The following CACNA1C variants were observed in gnomAD, a reference collection of about 807,000 sequenced individuals.
CACNA1C encodes the protein voltage-dependent L-type calcium channel subunit alpha-1C.
A neutral mutation model predicts 229.0 loss-of-function variants in CACNA1C; 30 were observed. That is an observed-to-expected ratio of 0.13 (90% CI 0.10 to 0.18). The LOEUF (loss-of-function observed/expected upper bound fraction) is 0.18, where lower values mean the gene tolerates loss of function less well. Ranked by LOEUF, CACNA1C falls within the 10% of genes least tolerant of loss-of-function variation. The pLI, the probability that CACNA1C is intolerant of heterozygous loss-of-function variation, is 1.00. For missense variants in CACNA1C, 1,658 were observed against 2,845.0 expected (o/e 0.58, Z 9.49); for synonymous variants, 1,114 against 1,132.5 (o/e 0.98, Z 0.33).
intron 3 of CACNA1C, among the ~76,000 whole-genome samples, chr12:2,193,168 G>T (rs756076029): frequency 1.3e-5 from 2 of 152,234 alleles, no homozygotes; most frequent in Non-Finnish European, 1.5e-5. Context: ...AACTTGTCAC[G>T]TCAAGGCCGG....
intron 3 of CACNA1C, among the ~76,000 whole-genome samples, chr12:2,333,828 A>G (rs1232261523): frequency 6.6e-6 from 1 of 152,256 alleles, no homozygotes; most frequent in Non-Finnish European, 1.5e-5. Flanking sequence ...TCTGTGGCAC[A>G]CAGCCCTCCT....
intron 3 of CACNA1C, among the ~76,000 whole-genome samples, chr12:2,135,647 A>G (rs35406483): frequency 0.16 from 22,259 of 136,020 alleles, 3,318 homozygotes; most frequent in Middle Eastern, 0.23. Context: ...ACCCACTTGA[A>G]GAGGCAGTCT....
chr12:2,366,904 A>G (rs1216769214), intron 3 of CACNA1C, among the ~76,000 whole-genome samples: 1 of 152,212 alleles, frequency 6.6e-6, no homozygotes, highest in Non-Finnish European at 1.5e-5. Flanking sequence ...GAGCGCATGC[A>G]CAAAGGGGAA....
chr12:2,509,631 A>C (rs1463802262), intron 8 of CACNA1C, among the ~76,000 whole-genome samples: 1 of 152,200 alleles, frequency 6.6e-6, no homozygotes, highest in African/African-American at 2.4e-5. Context: ...TGTGCAGCAC[A>C]TCATAGCCCT....
rs1480336201 is a variant in CACNA1C at position 2,467,978 on chromosome 12, T to A, written c.757+10272T>A. Among the ~76,000 whole-genome samples the A allele has an allele frequency of 1.3e-5, 2 of 152,074 alleles. No homozygotes were observed. Among genetic ancestry groups the A allele is most frequent in the Non-Finnish European group, 2.9e-5 (2 of 68,010 alleles). On this transcript the variant is annotated intron_variant, in intron 5 of 46. Transcript: ENST00000399655. This position sits in a 1 kb window ranked among gnomAD's most constrained non-coding sequence, Gnocchi z 4.6. Reference sequence around the variant, plus strand: ...ATTCTACCTGTGCAGCCCTGTGAGCTCCCAGCATCCGAGACCTCTTGGAGA... The same window carrying A: ...ATTCTACCTGTGCAGCCCTGTGAGCACCCAGCATCCGAGACCTCTTGGAGA...
At chr12:2,103,111 T>C (rs930319462) in intron 1 of CACNA1C, among the ~76,000 whole-genome samples, 1 of 152,214 alleles carries the variant, frequency 6.6e-6, no homozygotes, top group Non-Finnish European at 1.5e-5. Context: ...GTAATGGGAT[T>C]GCTGGGTCAA....
intron 1 of CACNA1C, among the ~76,000 whole-genome samples, chr12:2,043,180 G>A (rs1366873102): frequency 6.6e-6 from 1 of 152,208 alleles, no homozygotes; most frequent in Non-Finnish European, 1.5e-5. Flanking sequence ...TATGCTGATT[G>A]GAACAGAAGT....
chr12:2,585,292 A>C lies in CACNA1C; in HGVS notation c.2340-84A>C, dbSNP rs2061997276. The C allele has an allele frequency of 1.5e-5, 21 of 1,383,560 alleles. No homozygotes were observed. Among genetic ancestry groups the C allele is most frequent in the Non-Finnish European group, 2.0e-5 (21 of 1,025,150 alleles). The allele number at this position is 1,383,560 out of a possible 1,614,324, so 85.7% of individuals were successfully genotyped here. On this transcript the variant is annotated intron_variant, in intron 16 of 46. Coordinates refer to ENST00000399655, the MANE Select transcript of CACNA1C (RefSeq NM_000719.7). The surrounding 1 kb of genome is among the most constrained non-coding windows in gnomAD (Gnocchi z 4.1). ...GGGATCTGTCCCCTCTGGCCCCAAC[A>C]GGCCACAGGGCGGTTCCCTCCTACA...
intron 3 of CACNA1C, among the ~76,000 whole-genome samples, chr12:2,392,789 A>C (rs186061385): frequency 6.6e-6 from 1 of 152,064 alleles, no homozygotes; most frequent in African/African-American, 2.4e-5. Flanking sequence ...GGGGGAGGAG[A>C]GCATGTTGGC....
intron 29 of CACNA1C, among the ~76,000 whole-genome samples, chr12:2,615,518 T>C (rs2153472080): frequency 1.3e-5 from 2 of 152,348 alleles, no homozygotes; most frequent in Admixed American, 1.3e-4. Flanking sequence ...CTCCTCAAAC[T>C]GATCCATAGG....
rs113844547 is a variant in CACNA1C at position 2,621,009 on chromosome 12, T to C, written c.3828+8996T>C. On this transcript the variant is annotated intron_variant, in intron 29 of 46. Coordinates refer to ENST00000399655, the MANE Select transcript of CACNA1C (RefSeq NM_000719.7). ...ACAGTCCTACTTTCTGCCATACAAG[T>C]CTCCTTGTTTCTAGAGGTAGCTCTG... is the stretch of plus-strand genomic sequence containing the variant. Among the ~76,000 whole-genome samples the C allele has an allele frequency of 7.0e-3, 1,064 of 152,298 alleles. 19 individuals are homozygous for C. Among genetic ancestry groups the C allele is most frequent in the African/African-American group, 0.024 (1,002 of 41,564 alleles).
chr12:2,068,389 C>T (rs749138546), intron 1 of CACNA1C, among the ~76,000 whole-genome samples: 1 of 152,162 alleles, frequency 6.6e-6, no homozygotes, highest in African/African-American at 2.4e-5. Flanking sequence ...CGGAGGCAGG[C>T]AGAGAGGCGG....
chr12:2,592,947 T>C (rs2153334569), intron 18 of CACNA1C, among the ~76,000 whole-genome samples: 1 of 152,152 alleles, frequency 6.6e-6, no homozygotes, highest in Admixed American at 6.5e-5. Context: ...ACTAGGGGGT[T>C]TCCTGGGATG....
At chr12:2,005,383 T>C (rs747394803) in intron 1 of CACNA1C, among the ~76,000 whole-genome samples, 6 of 152,260 alleles carry the variant, frequency 3.9e-5, no homozygotes, top group Admixed American at 6.5e-5. Flanking sequence ...TGTTTTTATT[T>C]TTATTTTCAT....
chr12:2,112,980 A>G (rs2082340863), intron 1 of CACNA1C, among the ~76,000 whole-genome samples: 1 of 151,754 alleles, frequency 6.6e-6, no homozygotes, highest in Non-Finnish European at 1.5e-5. Context: ...TTTCGGTTGC[A>G]AGGGACAGAG....
rs187910941 is a variant in CACNA1C, at chr12:2,514,087, C to T, written c.1390+1103C>T. On this transcript the variant is annotated intron_variant, in intron 9 of 46. Coordinates refer to ENST00000399655, the MANE Select transcript of CACNA1C (RefSeq NM_000719.7). ...AACACTGAGCATCTAGAGTACTCCACGAAGCAAACAGGTTAAAGAGCCATC... is the reference window on the plus strand; with the variant it reads ...AACACTGAGCATCTAGAGTACTCCATGAAGCAAACAGGTTAAAGAGCCATC... 4.8e-3 allele frequency among the ~76,000 whole-genome samples: 730 copies of T among 152,268 alleles called. 14 individuals carry two copies. The highest frequency in any genetic ancestry group is 1.1e-3 in the Non-Finnish European group (78 of 68,032).
At chr12:2,619,659 T>C (rs2153493420) in intron 29 of CACNA1C, among the ~76,000 whole-genome samples, 1 of 152,180 alleles carries the variant, frequency 6.6e-6, no homozygotes, top group South Asian at 2.1e-4. Context: ...TTCAGCTCAG[T>C]TTTTCACCAT....
intron 3 of CACNA1C, among the ~76,000 whole-genome samples, chr12:2,433,660 T>C (rs1254107413): frequency 7.8e-6 from 1 of 128,810 alleles, no homozygotes; most frequent in Non-Finnish European, 1.7e-5. Context: ...AGTCCCTCCA[T>C]TGCCTACAGA....
chr12:2,059,437 G>A (rs1475289215), intron 1 of CACNA1C, among the ~76,000 whole-genome samples: 1 of 152,108 alleles, frequency 6.6e-6, no homozygotes, highest in Non-Finnish European at 1.5e-5. Flanking sequence ...TGGAAGCCGA[G>A]GGAACTAGAG....
Sources: allele counts gnomAD v4.1 joint callset (sites outside exome capture counted in the v4.1 genomes callset), GRCh38; gene constraint gnomAD v4.1.1; non-coding constraint Gnocchi (gnomAD v3.1); transcripts MANE v1.5; gene names NCBI Gene and HGNC (gene_info 2026-07-23, HGNC 2026-07-21).